PAPPA: variants seen among roughly 807,000 people sequenced by gnomAD.
The protein encoded by PAPPA is pappalysin-1.
In PAPPA, 60 loss-of-function variants were observed where a neutral mutation model predicts 164.0. The ratio of observed to expected loss-of-function variants is 0.37; its 90% CI spans 0.30 to 0.45. The LOEUF is 0.45. Among genes scored for constraint, PAPPA ranks in the 20% least tolerant of loss-of-function variants. The pLI, the probability that PAPPA is intolerant of heterozygous loss-of-function variation, is 1.00. For synonymous variants in PAPPA, 875 were observed against 814.1 expected, an observed-to-expected ratio of 1.07 and a Z score of -1.27; for missense variants, 1,782 against 2,087.3, an observed-to-expected ratio of 0.85 and a Z score of 2.85.
chr9:116,295,334 AC>A (rs1157541247), intron 9 of PAPPA, among the ~76,000 whole-genome samples: 1 of 152,082 alleles, frequency 6.6e-6, no homozygotes, highest in South Asian at 2.1e-4. Flanking sequence ...GGGGTGGATC[AC>A]CTGAGGTTAA....
chr9:116,389,622 C>T (rs1431473081), intron 21 of PAPPA, among the ~76,000 whole-genome samples: 1 of 152,096 alleles, frequency 6.6e-6, no homozygotes, highest in South Asian at 2.1e-4. Flanking sequence ...CATCCTTCTA[C>T]TTTACAGCCT....
intron 1 of PAPPA, among the ~76,000 whole-genome samples, chr9:116,173,478 G>C (rs1226071246): frequency 6.6e-6 from 1 of 152,080 alleles, no homozygotes; most frequent in Non-Finnish European, 1.5e-5. Context: ...CACCCCCATG[G>C]ACTGCCTCAA....
intron 9 of PAPPA, among the ~76,000 whole-genome samples, chr9:116,293,609 A>G (rs1412214914): frequency 6.6e-6 from 1 of 152,242 alleles, no homozygotes; most frequent in African/African-American, 2.4e-5. Flanking sequence ...CTAGATTACA[A>G]AAAGACTTGA....
chr9:116,304,324 A>C (rs1007005262), intron 10 of PAPPA, among the ~76,000 whole-genome samples: 2 of 152,236 alleles, frequency 1.3e-5, no homozygotes, highest in Non-Finnish European at 2.9e-5. Flanking sequence ...ACACATACAC[A>C]TACATACATC....
At chr9:116,170,486 T>C (rs1843764068) in intron 1 of PAPPA, among the ~76,000 whole-genome samples, 1 of 152,146 alleles carries the variant, frequency 6.6e-6, no homozygotes, top group Admixed American at 6.6e-5. Flanking sequence ...TGCCCATAAG[T>C]ATTCACTGTG....
intron 21 of PAPPA, among the ~76,000 whole-genome samples, chr9:116,386,043 G>C (rs1564251893): frequency 6.6e-6 from 1 of 152,168 alleles, no homozygotes; most frequent in Admixed American, 6.5e-5. Context: ...GAGTCTTCCT[G>C]GTGGAGGTGA....
At chr9:116,261,706 G>GT (rs1845003879) in intron 7 of PAPPA, among the ~76,000 whole-genome samples, 1 of 151,992 alleles carries the variant, frequency 6.6e-6, no homozygotes, top group Non-Finnish European at 1.5e-5. Flanking sequence ...AAATTTTAGT[G>GT]TAAGTTGTGC....
intron 21 of PAPPA, among the ~76,000 whole-genome samples, chr9:116,392,574 CT>C (rs1846908398): frequency 6.6e-6 from 1 of 152,204 alleles, no homozygotes; most frequent in Non-Finnish European, 1.5e-5. Context: ...TCCCCAAGTC[CT>C]TTCCAGGTTA....
At chr9:116,233,070 C>T (rs1283702744) in intron 6 of PAPPA, among the ~76,000 whole-genome samples, 1 of 152,222 alleles carries the variant, frequency 6.6e-6, no homozygotes, top group African/African-American at 2.4e-5. Flanking sequence ...CATCAGGAAG[C>T]ATGCTTTAAT....
chr9:116,184,630 G>T (rs1395046415), intron 1 of PAPPA, among the ~76,000 whole-genome samples: 1 of 152,090 alleles, frequency 6.6e-6, no homozygotes, highest in African/African-American at 2.4e-5. Flanking sequence ...AGGAATTAAG[G>T]CTTAGAGGTG....
At chr9:116,341,813 A>G (rs562744552) in intron 13 of PAPPA, among the ~76,000 whole-genome samples, 2 of 152,216 alleles carry the variant, frequency 1.3e-5, no homozygotes, top group Admixed American at 6.5e-5. Flanking sequence ...TAAGAAACAA[A>G]TTATTTTATT....
At chr9:116,331,645 C>T (rs982906663) in intron 11 of PAPPA, among the ~76,000 whole-genome samples, 1 of 152,178 alleles carries the variant, frequency 6.6e-6, no homozygotes. Context: ...CCTCCTTGAG[C>T]CTTTTACTGA....
intron 1 of PAPPA, among the ~76,000 whole-genome samples, chr9:116,174,890 A>G (rs535359734): frequency 1.3e-5 from 2 of 152,298 alleles, no homozygotes; most frequent in African/African-American, 4.8e-5. Context: ...CAAGATTAAT[A>G]GTGGCAAATT....
Position 116,187,909 on chromosome 9 carries a change from A to C in PAPPA, c.1171A>C (p.Ile391Leu), listed in dbSNP as rs1843995199. 1 of 1,614,078 alleles carries C rather than the reference A, an allele frequency of 6.2e-7. No individual in the cohort carries two copies. Among genetic ancestry groups the C allele is most frequent in the Non-Finnish European group, 8.5e-7 (1 of 1,180,022 alleles). Reference sequence around the variant, plus strand: ...GGCTGAGGCCTTCAAGCAATACAACATCTCCTGGGAGCTGGACGTGCTGGA... The same window carrying C: ...GGCTGAGGCCTTCAAGCAATACAACCTCTCCTGGGAGCTGGACGTGCTGGA... ...QLAEAFKQYN[I>L]SWELDVLEVS... The change falls in exon 2 of 22, where the codon ATC (isoleucine) becomes CTC (leucine). Residue 391 changes from isoleucine (I) to leucine (L), a missense_variant. Physicochemically the swap from Ile to Leu is conservative, Grantham distance 5. Around this residue, in one of 2 missense-constraint regions of PAPPA, gnomAD observed 1,324 missense variants for 1,656.9 expected, o/e 0.80. Coordinates refer to ENST00000328252, the MANE Select transcript of PAPPA (RefSeq NM_002581.5). This position sits in a 1 kb window ranked among gnomAD's most constrained non-coding sequence, Gnocchi z 4.2.
chr9:116,385,182 C>A (rs549917461), intron 21 of PAPPA, among the ~76,000 whole-genome samples: 1 of 151,538 alleles, frequency 6.6e-6, no homozygotes, highest in Non-Finnish European at 1.5e-5. Context: ...TGCGGTGAGC[C>A]GATATCGTGC....
rs1846998846 is a variant in PAPPA, at chr9:116,398,527, A to G, written c.*1911A>G. ...CAAAAATAACTTTAGGAACCACCAT[A>G]TTATATCACTCCCAATAGCACTGAC... On this transcript the variant is annotated 3_prime_UTR_variant, in exon 22 of 22. Transcript: ENST00000328252. 2 of 1,259,072 alleles carry G rather than the reference A, an allele frequency of 1.6e-6. No homozygotes were observed. Among genetic ancestry groups the G allele is most frequent in the African/African-American group, 1.6e-5 (1 of 64,252 alleles). The allele number at this position is 1,259,072 out of a possible 1,614,324, so 78.0% of individuals were successfully genotyped here.
At chr9:116,301,344 C>T (rs1384040527) in intron 9 of PAPPA, among the ~76,000 whole-genome samples, 1 of 152,190 alleles carries the variant, frequency 6.6e-6, no homozygotes, top group Admixed American at 6.5e-5. Context: ...AAAAGTCCTG[C>T]AACATGTAGA....
chr9:116,394,594 T>C (rs574162876), intron 21 of PAPPA, among the ~76,000 whole-genome samples: 1 of 152,342 alleles, frequency 6.6e-6, no homozygotes, highest in South Asian at 2.1e-4. Context: ...CTTCCAGTTC[T>C]AATATTCTGT....
At chr9:116,202,636 A>C (rs1844184597) in intron 2 of PAPPA, among the ~76,000 whole-genome samples, 1 of 152,116 alleles carries the variant, frequency 6.6e-6, no homozygotes, top group African/African-American at 2.4e-5. Context: ...CTAAATCAGG[A>C]GGGACATTTC....
Sources: allele counts gnomAD v4.1 joint callset (sites outside exome capture counted in the v4.1 genomes callset), GRCh38; gene constraint gnomAD v4.1.1; regional missense constraint gnomAD v4.1.1; non-coding constraint Gnocchi (gnomAD v3.1); transcripts MANE v1.5; gene names NCBI Gene and HGNC (gene_info 2026-07-23, HGNC 2026-07-21).